The following CYTH3 variants were observed in gnomAD, a reference collection of about 807,000 sequenced individuals.
CYTH3 encodes the protein cytohesin-3.
Under a neutral mutation model 55.1 loss-of-function variants are expected in CYTH3, and 23 were observed. That is an observed-to-expected ratio of 0.42 (90% CI 0.30 to 0.59). The LOEUF (loss-of-function observed/expected upper bound fraction) is 0.59, where lower values mean the gene tolerates loss of function less well. Ranked by LOEUF, CYTH3 falls within the 20% of genes least tolerant of loss-of-function variation. The pLI, the probability that CYTH3 is intolerant of heterozygous loss-of-function variation, is 0.20. For missense variants in CYTH3, 413 were observed against 524.8 expected (o/e 0.79, Z 2.08); for synonymous variants, 249 against 194.9 (o/e 1.28, Z -2.31).
intron 6 of CYTH3, chr7:6,172,817 C>T (rs147634806): frequency 1.2e-5 from 16 of 1,282,572 alleles, no homozygotes; most frequent in East Asian, 5.7e-5. Flanking sequence ...TTATATGTTG[C>T]GAACTCTCAG....
At chr7:6,226,729 T>C (rs1779261733) in intron 1 of CYTH3, among the ~76,000 whole-genome samples, 1 of 152,202 alleles carries the variant, frequency 6.6e-6, no homozygotes. Flanking sequence ...TGAAGGTTCC[T>C]ATGCAGCAGA....
rs754267657 is a variant in CYTH3, at chr7:6,190,456, T to A, written c.110A>T (p.Asp37Val). 1.7e-5 allele frequency: 25 copies of A among 1,466,502 alleles called. No individual in the cohort carries two copies. Among genetic ancestry groups the A allele is most frequent in the Non-Finnish European group, 3.6e-6 (4 of 1,107,832 alleles). The allele number at this position is 1,466,502 out of a possible 1,614,324, so 90.8% of individuals were successfully genotyped here. Residue 37 changes from aspartate to valine, a missense_variant, in exon 2 of 13, where the codon GAC (aspartate) becomes GTC (valine). By Grantham distance (152) the Asp-to-Val change is radical. Transcript: ENST00000350796. ...TTTTTTTTTTTTTTTTACCTCAATG[T>A]CATCAATAAGTTCCTTTTTTCTTCG... is the stretch of plus-strand genomic sequence containing the variant. The part of the protein sequence containing the change: ...IRRRKKELID[D>V]IERLKYEIAE...
chr7:6,226,685 A>G (rs1288847614), intron 1 of CYTH3, among the ~76,000 whole-genome samples: 1 of 152,208 alleles, frequency 6.6e-6, no homozygotes, highest in Non-Finnish European at 1.5e-5. Flanking sequence ...ATCTCAAAGT[A>G]AAGCAACACA....
At chr7:6,189,466 TGGGCATGGTGGC>T (rs1430073127) in intron 2 of CYTH3, among the ~76,000 whole-genome samples, 1 of 152,004 alleles carries the variant, frequency 6.6e-6, no homozygotes, top group Non-Finnish European at 1.5e-5. Flanking sequence ...AAAACTTAGC[TGGGCATGGTGGC>T]GTGCATTTTT....
chr7:6,244,955 A>ATTT (rs887701278), intron 1 of CYTH3, among the ~76,000 whole-genome samples: 528 of 36,390 alleles, frequency 0.015, 79 homozygotes, highest in Non-Finnish European at 0.018. Context: ...CGCCCGGCTA[A>ATTT]TTTTTTTTTT....
At chr7:6,185,042 T>C (rs1049334859) in intron 4 of CYTH3, among the ~76,000 whole-genome samples, 3 of 152,240 alleles carry the variant, frequency 2.0e-5, no homozygotes, top group Admixed American at 1.3e-4. Context: ...GAACCTGAGA[T>C]GCTTCCAATG....
In CYTH3 at chr7:6,272,037, C is replaced by G. The variant is rs532101171; in HGVS notation, c.34+437G>C. ...CCTCCAGTGCAAAACTTTCCCCTCC[C>G]GGTTTCCCACCGGCTCAGCCGCTTC... On this transcript the variant is annotated intron_variant, in intron 1 of 12. Coordinates refer to ENST00000350796, the MANE Select transcript of CYTH3 (RefSeq NM_004227.4). Among the ~76,000 whole-genome samples the G allele has an allele frequency of 9.3e-4, 141 of 152,340 alleles. 1 individual carries two copies. The highest frequency in any genetic ancestry group is 1.4e-3 in the Non-Finnish European group (96 of 68,022).
chr7:6,173,633 C>A lies in CYTH3; in HGVS notation c.449+20G>T, dbSNP rs778747351. 21 of 1,561,280 alleles carry A rather than the reference C, an allele frequency of 1.3e-5. No homozygotes were observed. The highest frequency in any genetic ancestry group is 1.2e-5 in the Non-Finnish European group (14 of 1,132,296). ...TGGCCTTCCCCATCCACTCTACACC[C>A]AGCAAATGATCATACTTACCTTAAG... On this transcript the variant is annotated intron_variant, in intron 6 of 12. Transcript: ENST00000350796.
chr7:6,226,275 G>C (rs1779248874), intron 1 of CYTH3, among the ~76,000 whole-genome samples: 1 of 152,150 alleles, frequency 6.6e-6, no homozygotes, highest in Non-Finnish European at 1.5e-5. Context: ...GCTTTGATTA[G>C]AAAGCACTGG....
At position 6,190,483 on chromosome 7, in the gene CYTH3, C is replaced by G; in HGVS notation, c.83G>C (p.Arg28Pro). The G allele has an allele frequency of 6.8e-7, 1 of 1,469,596 alleles. No homozygotes were observed. The highest frequency in any genetic ancestry group is 9.0e-7 in the Non-Finnish European group (1 of 1,115,490). The allele number at this position is 1,469,596 out of a possible 1,614,324, so 91.0% of individuals were successfully genotyped here. A position where few individuals can be genotyped will look rare whatever the true frequency, so the allele number is the denominator to read the frequency against. Residue 28 changes from arginine (R) to proline (P), a missense_variant, in exon 2 of 13, where the codon CGT (arginine) becomes CCT (proline). By Grantham distance (103) the Arg-to-Pro change is moderately radical. Transcript: ENST00000350796. ...ATCAATAAGTTCCTTTTTTCTTCGA[C>G]GAATGTCTAGAAGTTCTTCTCTCTC... ...LEEREELLDI[R>P]RRKKELIDDI... is the part of the protein sequence containing the mutation.
chr7:6,173,552 G>A, intron 6 of CYTH3, 101 bp downstream of exon 6: 1 of 771,672 alleles, frequency 1.3e-6, no homozygotes, highest in South Asian at 1.4e-5. Context: ...AGACTCGTGT[G>A]GCACCAAGTT....
chr7:6,190,211 G>C (rs781690307), intron 2 of CYTH3, among the ~76,000 whole-genome samples: 3 of 152,076 alleles, frequency 2.0e-5, no homozygotes, highest in Middle Eastern at 3.2e-3. Context: ...ACGATGTCTT[G>C]ATTTCTACCC....
chr7:6,186,980 A>C (rs1326375672), intron 4 of CYTH3, 70 bp downstream of exon 4: 6 of 1,516,508 alleles, frequency 4.0e-6, no homozygotes, highest in Non-Finnish European at 4.6e-6. Context: ...CCTCTGTCCA[A>C]AAGGGAAACG....
At chr7:6,221,933 C>A (rs887212013) in intron 1 of CYTH3, among the ~76,000 whole-genome samples, 1 of 152,100 alleles carries the variant, frequency 6.6e-6, no homozygotes. Flanking sequence ...GCATGGGTAA[C>A]AGAGCAAGAC....
Position 6,272,559 on chromosome 7 carries a change from G to A in CYTH3, c.-52C>T, listed in dbSNP as rs1430414213. 7 of 1,246,834 alleles carry A rather than the reference G, an allele frequency of 5.6e-6. No homozygotes were observed. The highest frequency in any genetic ancestry group is 4.1e-5 in the East Asian group (1 of 24,662). 77.2% of individuals were successfully genotyped at this position (1,246,834 alleles called of 1,614,324 possible). ...GCCGGGGGCCGGCAGCAGAGGGGCC[G>A]CGGGCTGGGGACGCCGCCGGAGGGA... On this transcript the variant is annotated 5_prime_UTR_variant, in exon 1 of 13. Coordinates refer to ENST00000350796, the MANE Select transcript of CYTH3 (RefSeq NM_004227.4).
At chr7:6,172,799 C>G (rs989328786) in intron 6 of CYTH3, 2 of 1,281,168 alleles carry the variant, frequency 1.6e-6, no homozygotes, top group Admixed American at 4.7e-5. Flanking sequence ...ACTGCGGCTG[C>G]AGGATTCTTA....
chr7:6,239,085 A>G (rs1779605025), intron 1 of CYTH3, among the ~76,000 whole-genome samples: 1 of 152,136 alleles, frequency 6.6e-6, no homozygotes, highest in Non-Finnish European at 1.5e-5. Context: ...ATGGTGGTAC[A>G]TGCCTGTAGT....
At chr7:6,255,057 A>G (rs2115052463) in intron 1 of CYTH3, among the ~76,000 whole-genome samples, 1 of 152,358 alleles carries the variant, frequency 6.6e-6, no homozygotes, top group Non-Finnish European at 1.5e-5. Flanking sequence ...CACACTGATG[A>G]CTAACAGTTT....
chr7:6,215,584 C>T (rs1784408142), intron 1 of CYTH3, among the ~76,000 whole-genome samples: 1 of 134,108 alleles, frequency 7.5e-6, no homozygotes, highest in Admixed American at 7.7e-5. Context: ...AGCAAGTCTC[C>T]ATCTCAAAAA....
Sources: allele counts gnomAD v4.1 joint callset (sites outside exome capture counted in the v4.1 genomes callset), GRCh38; gene constraint gnomAD v4.1.1; transcripts MANE v1.5; gene names NCBI Gene and HGNC (gene_info 2026-07-23, HGNC 2026-07-21).